Variants in ZNF608 observed in about 807,000 individuals in gnomAD.
ZNF608 encodes the protein zinc finger protein 608, also known as renal carcinoma antigen NY-REN-36.
A neutral mutation model predicts 109.0 loss-of-function variants in ZNF608; 12 were observed. That is an observed-to-expected ratio of 0.11 (90% confidence interval 0.07 to 0.18). ZNF608 has a LOEUF of 0.18. Ranked by LOEUF, ZNF608 falls within the 10% of genes least tolerant of loss-of-function variation. The pLI, the probability that ZNF608 is intolerant of heterozygous loss-of-function variation, is 1.00. For synonymous variants in ZNF608, 732 were observed against 717.4 expected, an observed-to-expected ratio of 1.02 and a Z score of -0.33; for missense variants, 1,707 against 1,879.3, an observed-to-expected ratio of 0.91 and a Z score of 1.70.
At chr5:124,691,428 T>C (rs1433942175) in intron 3 of ZNF608, among the ~76,000 whole-genome samples, 1 of 152,190 alleles carries the variant, frequency 6.6e-6, no homozygotes, top group Non-Finnish European at 1.5e-5. Flanking sequence ...CACCATCTCA[T>C]ACCTGTTAGG....
At chr5:124,747,385 G>T (rs1749677509), upstream of ZNF608, among the ~76,000 whole-genome samples, 1 of 151,828 alleles carries the variant, frequency 6.6e-6, no homozygotes, top group Admixed American at 6.6e-5. Context: ...ATTGGAAGTG[G>T]AGAGTCGCTT....
At chr5:124,727,950 G>T (rs914872597) in intron 2 of ZNF608, among the ~76,000 whole-genome samples, 1 of 152,010 alleles carries the variant, frequency 6.6e-6, no homozygotes, top group Non-Finnish European at 1.5e-5. Flanking sequence ...TGTTGGTCGG[G>T]CTGGTCTCGA....
chr5:124,746,453 C>T lies in ZNF608; in HGVS notation c.-442G>A. ...CAGCTGGAAAATAATGTTTCACATT[C>T]ACAACAGAAGCACCAAAGGTTTTTT... On this transcript the variant is annotated 5_prime_UTR_variant, in exon 1 of 10. It removes the in-frame stop codon of an upstream open reading frame in the 5' UTR. Transcript: ENST00000513986. 1.0e-6 allele frequency: 1 copy of T among 985,214 alleles called. No homozygotes were observed. The highest frequency in any genetic ancestry group is 4.7e-5 in the South Asian group (1 of 21,278). The allele number at this position is 985,214 out of a possible 1,614,324, so 61.0% of individuals were successfully genotyped here.
At chr5:124,658,272 G>A (rs1751101043) in intron 3 of ZNF608, among the ~76,000 whole-genome samples, 2 of 152,190 alleles carry the variant, frequency 1.3e-5, no homozygotes, top group Non-Finnish European at 2.9e-5. Flanking sequence ...TGGTCCCTCA[G>A]CGCTCAGTCA....
At chr5:124,672,134 C>T (rs748390375) in intron 3 of ZNF608, among the ~76,000 whole-genome samples, 1 of 152,118 alleles carries the variant, frequency 6.6e-6, no homozygotes, top group Non-Finnish European at 1.5e-5. Flanking sequence ...GTTAAATAAA[C>T]TTGATTTAAC....
intron 2 of ZNF608, among the ~76,000 whole-genome samples, chr5:124,717,212 C>T (rs1026895680): frequency 6.7e-6 from 1 of 150,300 alleles, no homozygotes; most frequent in South Asian, 2.1e-4. Flanking sequence ...ATGCCTGTAA[C>T]CCCAGCATTT....
intron 3 of ZNF608, among the ~76,000 whole-genome samples, chr5:124,659,832 A>G (rs989732161): frequency 6.6e-6 from 1 of 152,212 alleles, no homozygotes; most frequent in African/African-American, 2.4e-5. Context: ...CTCCACATCA[A>G]AAAGCTGCTA....
Position 124,643,603 on chromosome 5 carries a change from T to G in ZNF608, c.4204A>C (p.Ser1402Arg), listed in dbSNP as rs1422318954. Residue 1402 changes from serine to arginine, a missense_variant, in exon 7 of 10, where the codon AGC (serine) becomes CGC (arginine). Physicochemically the swap from Ser to Arg is moderately radical, Grantham distance 110. This residue lies in a region of ZNF608 where 1,073 missense variants were observed against 1,133.5 expected (regional missense o/e 0.95). Transcript: ENST00000513986. Reference sequence around the variant, plus strand: ...GTTGTTTTCGTGTTGACGCTAGGGCTGGTATTGACTTTCTCTGTCTCTTCT... The same window carrying G: ...GTTGTTTTCGTGTTGACGCTAGGGCGGGTATTGACTTTCTCTGTCTCTTCT... ...GREETEKVNT[S>R]PSVNTKTTTE... is the part of the protein sequence containing the mutation. 6.2e-7 allele frequency: 1 copy of G among 1,614,202 alleles called. No homozygotes were observed. The highest frequency in any genetic ancestry group is 8.5e-7 in the Non-Finnish European group (1 of 1,180,020).
intron 3 of ZNF608, among the ~76,000 whole-genome samples, chr5:124,692,452 G>A (rs901565675): frequency 1.3e-5 from 2 of 152,224 alleles, no homozygotes; most frequent in East Asian, 3.8e-4. Context: ...GCATAGTGGG[G>A]CTGAAAATGA....
In ZNF608 at chr5:124,731,984, C is replaced by T. The variant is rs140970229; in HGVS notation, c.906+12100G>A. The stretch of plus-strand genomic sequence containing the variant: ...TTTGACAAAACTGAAACTACTTAGA[C>T]CTAATTTTTTACACTCTCTTTGCTC... On this transcript the variant is annotated intron_variant, in intron 2 of 9. Transcript: ENST00000513986. Among the ~76,000 whole-genome samples, 20 of 152,218 alleles carry T rather than the reference C, an allele frequency of 1.3e-4. No homozygotes were observed. In the East Asian group the frequency reaches 3.9e-3, roughly 29 times the overall value.
rs1753916864 is a variant in ZNF608 at position 124,721,841 on chromosome 5, CT to C, written c.907-20573del. On this transcript the variant is annotated intron_variant, in intron 2 of 9. Coordinates refer to ENST00000513986, the MANE Select transcript of ZNF608 (RefSeq NM_020747.3). ...TCATCCCAGCTACTCGGAAGGAAGG[CT>C]GTAGCAGGAGAATTGCTTGAACCAA... is the stretch of plus-strand genomic sequence containing the variant. 4.2e-5 allele frequency among the ~76,000 whole-genome samples: 6 copies of C among 143,412 alleles called. No individual in the cohort carries two copies. The South Asian group carries it at 1.3e-3, about 32-fold the overall frequency. The allele number at this position is 143,412 out of a possible 152,430, so 94.1% of individuals were successfully genotyped here.
upstream of ZNF608, chr5:124,748,647 TG>T (rs777085527): frequency 3.7e-4 from 313 of 855,454 alleles, 5 homozygotes; most frequent in African/African-American, 5.0e-3. Context: ...TTAAAGAAGA[TG>T]GACCATCAAA....
At chr5:124,694,142 A>ATTTTTTTTTTTTTT (rs11320730) in intron 3 of ZNF608, among the ~76,000 whole-genome samples, 138 of 63,944 alleles carry the variant, frequency 2.2e-3, no homozygotes, top group East Asian at 3.1e-3. Context: ...CGCTCGGCTA[A>ATTTTTTTTTTTTTT]TTTTTTTTTT....
At position 124,745,136 on chromosome 5, in the gene ZNF608, C is replaced by T. The variant is rs1480602946; in HGVS notation, c.-147G>A. On this transcript the variant is annotated 5_prime_UTR_variant, in exon 2 of 10. Transcript: ENST00000513986. ...CTTTTTCCTGCCCCACGAATGTGTC[C>T]AGGGATTTTACACCCTCAGTCCAGG... The T allele has an allele frequency of 2.8e-6, 4 of 1,438,650 alleles. No individual in the cohort carries two copies. The highest frequency in any genetic ancestry group is 3.6e-6 in the Non-Finnish European group (4 of 1,104,694). 89.1% of individuals were successfully genotyped at this position (1,438,650 alleles called of 1,614,324 possible).
chr5:124,736,468 A>G (rs1297100415), intron 2 of ZNF608, among the ~76,000 whole-genome samples: 1 of 152,238 alleles, frequency 6.6e-6, no homozygotes. Flanking sequence ...ATGCTTTCCA[A>G]CTCATCCTGA....
intron 3 of ZNF608, among the ~76,000 whole-genome samples, chr5:124,653,784 C>T (rs1382340530): frequency 6.6e-6 from 1 of 152,098 alleles, no homozygotes; most frequent in East Asian, 1.9e-4. Context: ...AAAGAACTGG[C>T]AATAGGAGTA....
chr5:124,670,494 GA>G (rs1751670747), intron 3 of ZNF608, among the ~76,000 whole-genome samples: 1 of 152,052 alleles, frequency 6.6e-6, no homozygotes. Flanking sequence ...TTGTAGCTAA[GA>G]GAAAAAACTA....
At chr5:124,689,716 T>C (rs942527144) in intron 3 of ZNF608, among the ~76,000 whole-genome samples, 4 of 152,160 alleles carry the variant, frequency 2.6e-5, no homozygotes, top group African/African-American at 4.8e-5. Flanking sequence ...CCTATTAGAA[T>C]GGTCAAAATC....
chr5:124,692,732 C>G (rs750344518), intron 3 of ZNF608, among the ~76,000 whole-genome samples: 2 of 152,208 alleles, frequency 1.3e-5, no homozygotes, highest in Non-Finnish European at 2.9e-5. Context: ...GACTCTCCCC[C>G]ACTTGCCAGG....
Sources: gnomAD v4.1 joint callset for allele counts (sites outside exome capture counted in the v4.1 genomes callset) on GRCh38, gnomAD v4.1.1 for gene constraint, gnomAD v4.1.1 regional missense constraint, MANE v1.5 for transcripts, NCBI Gene and HGNC (gene_info 2026-07-23, HGNC 2026-07-21) for gene names.